The following ATRNL1 variants were observed in gnomAD, a reference collection of about 807,000 sequenced individuals.
The protein encoded by ATRNL1 is attractin-like protein 1.
A neutral mutation model predicts 182.7 loss-of-function variants in ATRNL1; 95 were observed. The observed-to-expected ratio is 0.52, with a 90% confidence interval of 0.44 to 0.62. The LOEUF (loss-of-function observed/expected upper bound fraction) is 0.62, where lower values mean the gene tolerates loss of function less well. Among genes scored for constraint, ATRNL1 ranks in the 20% least tolerant of loss-of-function variants. The pLI, the probability that ATRNL1 is intolerant of heterozygous loss-of-function variation, is 0.00. For synonymous variants in ATRNL1, 576 were observed against 568.3 expected (o/e 1.01, Z -0.19); for missense variants, 1,471 against 1,679.5 (o/e 0.88, Z 2.17).
chr10:115,131,187 A>G (rs1291150544), intron 5 of ATRNL1, among the ~76,000 whole-genome samples: 1 of 152,030 alleles, frequency 6.6e-6, no homozygotes, highest in African/African-American at 2.4e-5. Context: ...AAGCAAAGTT[A>G]TATTATCAGT....
chr10:115,435,670 A>G (rs548607051), intron 21 of ATRNL1, among the ~76,000 whole-genome samples: 99 of 152,160 alleles, frequency 6.5e-4, no homozygotes, highest in Non-Finnish European at 1.2e-3. Flanking sequence ...CGCATTTACT[A>G]CTTTTCTCTC....
chr10:115,939,747 G>A (rs1953669196), intron 28 of ATRNL1, among the ~76,000 whole-genome samples: 1 of 152,124 alleles, frequency 6.6e-6, no homozygotes, highest in South Asian at 2.1e-4. Flanking sequence ...TGATTTTAAT[G>A]GAACTCTAGC....
intron 21 of ATRNL1, among the ~76,000 whole-genome samples, chr10:115,442,214 A>C (rs953757732): frequency 6.7e-6 from 1 of 149,736 alleles, no homozygotes; most frequent in Non-Finnish European, 1.5e-5. Context: ...CATTCTAAGC[A>C]CAGTGGAATT....
chr10:115,203,671 C>A (rs1299226302), intron 8 of ATRNL1, among the ~76,000 whole-genome samples: 1 of 150,256 alleles, frequency 6.7e-6, no homozygotes, highest in Admixed American at 6.7e-5. Context: ...CCTATGCCTC[C>A]TGAAGTCAAA....
At chr10:115,280,247 G>A (rs925029944) in intron 13 of ATRNL1, among the ~76,000 whole-genome samples, 7 of 152,172 alleles carry the variant, frequency 4.6e-5, no homozygotes, top group Non-Finnish European at 1.0e-4. Context: ...AAATTTGTTA[G>A]AAGGTGAAGC....
chr10:115,564,010 C>T (rs1224142367), intron 26 of ATRNL1, among the ~76,000 whole-genome samples: 2 of 152,074 alleles, frequency 1.3e-5, no homozygotes, highest in Non-Finnish European at 2.9e-5. Flanking sequence ...GGAAATCATG[C>T]TGAACTGGTG....
chr10:115,867,253 A>AT (rs568514021), intron 28 of ATRNL1, among the ~76,000 whole-genome samples: 1 of 152,136 alleles, frequency 6.6e-6, no homozygotes, highest in East Asian at 1.9e-4. Flanking sequence ...AATTAAATTC[A>AT]TTTTTTGGAT....
At chr10:115,333,738 C>T (rs887482828) in intron 18 of ATRNL1, among the ~76,000 whole-genome samples, 6 of 152,142 alleles carry the variant, frequency 3.9e-5, no homozygotes, top group South Asian at 2.1e-4. Context: ...CTGCCCACCT[C>T]GGCCTCCCAA....
intron 24 of ATRNL1, among the ~76,000 whole-genome samples, chr10:115,488,487 A>G (rs782267145): frequency 6.6e-6 from 1 of 152,120 alleles, no homozygotes; most frequent in Admixed American, 6.5e-5. Context: ...CATTTCTTCT[A>G]GATTTTCTAG....
At chr10:115,539,250 C>T (rs1382535580) in intron 25 of ATRNL1, among the ~76,000 whole-genome samples, 1 of 128,220 alleles carries the variant, frequency 7.8e-6, no homozygotes, top group Non-Finnish European at 1.7e-5. Flanking sequence ...TGTTGTTACA[C>T]CATGATTTGT....
chr10:115,403,566 A>G (rs1470456530), intron 20 of ATRNL1, among the ~76,000 whole-genome samples: 1 of 145,830 alleles, frequency 6.9e-6, no homozygotes, highest in African/African-American at 2.7e-5. Flanking sequence ...AGCGATTCTC[A>G]TGCCTCAGCC....
intron 19 of ATRNL1, among the ~76,000 whole-genome samples, chr10:115,335,059 A>C (rs1592472941): frequency 6.6e-6 from 1 of 152,178 alleles, no homozygotes; most frequent in African/African-American, 2.4e-5. Flanking sequence ...AGCATTATAA[A>C]TGCTAGCCAT....
intron 10 of ATRNL1, among the ~76,000 whole-genome samples, chr10:115,242,481 A>G (rs532785741): frequency 4.6e-5 from 7 of 151,970 alleles, no homozygotes; most frequent in Non-Finnish European, 8.8e-5. Flanking sequence ...TTTAAAATAT[A>G]CTTATCAGTA....
chr10:115,905,277 G>A (rs1322524184), intron 28 of ATRNL1, among the ~76,000 whole-genome samples: 1 of 152,070 alleles, frequency 6.6e-6, no homozygotes, highest in African/African-American at 2.4e-5. Flanking sequence ...ATAGAGTACA[G>A]TGGTGCAATC....
chr10:115,498,607 A>T (rs1479923092), intron 24 of ATRNL1, among the ~76,000 whole-genome samples: 1 of 151,974 alleles, frequency 6.6e-6, no homozygotes. Context: ...CATTAGTCTA[A>T]CAGTGAAAAC....
intron 21 of ATRNL1, among the ~76,000 whole-genome samples, chr10:115,443,273 T>C (rs1402358726): frequency 6.6e-6 from 1 of 152,002 alleles, no homozygotes; most frequent in Non-Finnish European, 1.5e-5. Flanking sequence ...TCAAAGTCTA[T>C]AATTGAAATA....
intron 26 of ATRNL1, among the ~76,000 whole-genome samples, chr10:115,661,645 G>A (rs868924963): frequency 6.6e-6 from 1 of 151,952 alleles, no homozygotes; most frequent in Non-Finnish European, 1.5e-5. Flanking sequence ...CATTAGATTA[G>A]GCTATATACC....
At chr10:115,540,072 T>C (rs782816538) in intron 25 of ATRNL1, among the ~76,000 whole-genome samples, 37 of 151,988 alleles carry the variant, frequency 2.4e-4, no homozygotes, top group South Asian at 1.5e-3. Flanking sequence ...GGCACACGTA[T>C]ACATATGTAA....
chr10:115,800,353 A>C (rs1555084049), intron 27 of ATRNL1, among the ~76,000 whole-genome samples: 1 of 152,212 alleles, frequency 6.6e-6, no homozygotes, highest in South Asian at 2.1e-4. Context: ...CTCTAATGCC[A>C]TACTTGTCAT....
Sources: allele counts gnomAD v4.1 joint callset (sites outside exome capture counted in the v4.1 genomes callset), GRCh38; gene constraint gnomAD v4.1.1; transcripts MANE v1.5; gene names NCBI Gene and HGNC (gene_info 2026-07-23, HGNC 2026-07-21).